HS3ST1: variants seen among roughly 807,000 people sequenced by gnomAD.
HS3ST1 encodes heparan sulfate glucosamine 3-O-sulfotransferase 1.
HS3ST1 carries 8 observed loss-of-function variants against 20.7 expected under a neutral mutation model. The ratio of observed to expected loss-of-function variants is 0.39; its 90% confidence interval spans 0.23 to 0.70. The LOEUF (loss-of-function observed/expected upper bound fraction) is 0.70. Ranked by LOEUF, HS3ST1 falls within the 30% of genes least tolerant of loss-of-function variation. The probability of loss-of-function intolerance (pLI) is 0.46; values close to 1 mark genes in which losing one functional copy is unlikely to be tolerated. For missense variants in HS3ST1, 436 were observed against 423.4 expected (o/e 1.03, Z -0.26); for synonymous variants, 205 against 190.4 (o/e 1.08, Z -0.63).
chr4:11,433,270 T>G (rs944359756), upstream of HS3ST1, among the ~76,000 whole-genome samples: 3 of 152,224 alleles, frequency 2.0e-5, no homozygotes, highest in Non-Finnish European at 4.4e-5. Context: ...AATGGAGAAT[T>G]TAGCCCTGTG....
At chr4:11,418,446 C>T (rs1037127875) in intron 1 of HS3ST1, among the ~76,000 whole-genome samples, 3 of 152,232 alleles carry the variant, frequency 2.0e-5, no homozygotes, top group South Asian at 2.1e-4. Flanking sequence ...ACAGATAAGG[C>T]GACAAAGGTT....
At chr4:11,402,642 T>G (rs532433740) in intron 1 of HS3ST1, among the ~76,000 whole-genome samples, 1 of 152,202 alleles carries the variant, frequency 6.6e-6, no homozygotes, top group South Asian at 2.1e-4. Context: ...ACTACTACCC[T>G]TTAGAGAGCT....
intron 1 of HS3ST1, 175 bp downstream of exon 1, chr4:11,428,523 TG>T (rs1298853135): frequency 6.6e-6 from 1 of 152,478 alleles, no homozygotes; most frequent in African/African-American, 2.4e-5. Flanking sequence ...GTGAGGAGGA[TG>T]GGAAAATCCC....
upstream of HS3ST1, chr4:11,429,583 T>G (rs548561901): frequency 2.0e-5 from 3 of 149,028 alleles, no homozygotes; most frequent in African/African-American, 7.4e-5. Flanking sequence ...ACACTCCTTT[T>G]CCTTTGGTTT....
At chr4:11,409,542 CA>C in intron 1 of HS3ST1, among the ~76,000 whole-genome samples, 1 of 152,192 alleles carries the variant, frequency 6.6e-6, no homozygotes. Context: ...AAGGCACAGG[CA>C]AAACGTGGCC....
intron 1 of HS3ST1, among the ~76,000 whole-genome samples, chr4:11,428,220 C>A (rs1719114528): frequency 6.6e-6 from 1 of 152,244 alleles, no homozygotes; most frequent in African/African-American, 2.4e-5. Flanking sequence ...GCAAACCCGA[C>A]CAAGGCTTCT....
chr4:11,398,929 A>G lies in HS3ST1; in HGVS notation c.*153T>C, dbSNP rs1718221459. 1.6e-6 allele frequency: 1 copy of G among 636,908 alleles called. No individual in the cohort carries two copies. The highest frequency in any genetic ancestry group is 2.8e-5 in the East Asian group (1 of 35,646). The allele number at this position is 636,908 out of a possible 1,614,324, so 39.5% of individuals were successfully genotyped here. Reference sequence around the variant, plus strand: ...TAACAAGTAGAAAAATATAACTAGTATATATGGCAATTGTGAATCTAATAC... The same window carrying G: ...TAACAAGTAGAAAAATATAACTAGTGTATATGGCAATTGTGAATCTAATAC... On this transcript the variant is annotated 3_prime_UTR_variant, in exon 2 of 2. Transcript: ENST00000002596.
chr4:11,394,855 T>C lies in HS3ST1; in HGVS notation c.*4227A>G, dbSNP rs1478575974. ...CATTTTCTACTTCCTAGGGTTGTTA[T>C]ATAGGTTAGAAGCAATATATTTAAA... is the stretch of plus-strand genomic sequence containing the variant. On this transcript the variant is annotated 3_prime_UTR_variant, in exon 2 of 2. Transcript: ENST00000002596. The C allele has an allele frequency of 2.0e-5, 3 of 152,190 alleles. No homozygotes were observed. Among genetic ancestry groups the C allele is most frequent in the South Asian group, 2.1e-4 (1 of 4,832 alleles). The allele number at this position is 152,190 out of a possible 1,614,324, so 9.4% of individuals were successfully genotyped here.
chr4:11,400,180 T>C, intron 1 of HS3ST1, 67 bp from the exon 2 acceptor site: 1 of 1,334,792 alleles, frequency 7.5e-7, no homozygotes, highest in Non-Finnish European at 9.8e-7. Context: ...AACAACTCTG[T>C]AGCCACTCTG....
rs564161133 is a variant in HS3ST1, at chr4:11,398,993, A to G, written c.*89T>C. 4.4e-6 allele frequency: 5 copies of G among 1,141,282 alleles called. No individual in the cohort carries two copies. The South Asian group carries it at 6.1e-5, about 14-fold the overall frequency. 70.7% of individuals were successfully genotyped at this position (1,141,282 alleles called of 1,614,324 possible). A position where few individuals can be genotyped will look rare whatever the true frequency, so the allele number is the denominator to read the frequency against. ...TTTATGGATTTTACAAATAAATTAT[A>G]CCTTAAATGCTTTTTTAAAATTCTT... On this transcript the variant is annotated 3_prime_UTR_variant, in exon 2 of 2. Coordinates refer to ENST00000002596, the MANE Select transcript of HS3ST1 (RefSeq NM_005114.4).
rs2108879596 is a variant in HS3ST1, at chr4:11,399,778, C to T, written c.228G>A (p.Leu76=). 2 of 1,613,638 alleles carry T rather than the reference C, an allele frequency of 1.2e-6. No individual in the cohort carries two copies. The highest frequency in any genetic ancestry group is 2.7e-5 in the African/African-American group (2 of 75,076). ...TCTCCGCGGCCGCCACGTCGGGGTG[C>T]AGGCTGAGCATCTCCAGCAGTGCGC... The part of the protein sequence containing the change: ...GTRALLEMLS[L]HPDVAAAENE... The change falls in exon 2 of 2, where the codon CTG becomes CTA. Residue 76 remains leucine, a synonymous_variant. Transcript: ENST00000002596. The surrounding 1 kb of genome is among the most constrained non-coding windows in gnomAD (Gnocchi z 5.1).
At chr4:11,409,520 C>T (rs933093264) in intron 1 of HS3ST1, among the ~76,000 whole-genome samples, 4 of 152,214 alleles carry the variant, frequency 2.6e-5, no homozygotes, top group African/African-American at 9.6e-5. Context: ...CTCTCATTCT[C>T]TCCACCATGT....
chr4:11,411,934 C>T (rs1451545160), intron 1 of HS3ST1, among the ~76,000 whole-genome samples: 2 of 152,072 alleles, frequency 1.3e-5, no homozygotes, highest in African/African-American at 2.4e-5. Context: ...TATGAATTTT[C>T]CCATCTGAAA....
intron 1 of HS3ST1, among the ~76,000 whole-genome samples, chr4:11,416,007 A>G (rs1055919454): frequency 6.6e-6 from 1 of 152,158 alleles, no homozygotes; most frequent in Non-Finnish European, 1.5e-5. Flanking sequence ...AAACATTCCT[A>G]GAACAGGTGC....
intron 1 of HS3ST1, among the ~76,000 whole-genome samples, chr4:11,417,230 T>G (rs1718808543): frequency 6.6e-6 from 1 of 152,186 alleles, no homozygotes; most frequent in African/African-American, 2.4e-5. Context: ...GCATTATAAT[T>G]AAAATAATCA....
Position 11,399,733 on chromosome 4 carries a change from G to T in HS3ST1, c.273C>A (p.Asp91Glu). 2 of 1,613,906 alleles carry T rather than the reference G, an allele frequency of 1.2e-6. No individual in the cohort carries two copies. Among genetic ancestry groups the T allele is most frequent in the Non-Finnish European group, 1.7e-6 (2 of 1,180,044 alleles). Reference protein sequence around the residue: ...AAAENEVHFFDWEEHYSHGLG... With the variant: ...AAAENEVHFFEWEEHYSHGLG... ...AGCCGTGGCTGTAATGCTCCTCCCA[G>T]TCGAAGAAGTGGACCTCGTTCTCCG... The change falls in exon 2 of 2, where the codon GAC becomes GAA. Residue 91 changes from aspartate (D) to glutamate (E), a missense_variant. Coordinates refer to ENST00000002596, the MANE Select transcript of HS3ST1 (RefSeq NM_005114.4). The surrounding 1 kb of genome is among the most constrained non-coding windows in gnomAD (Gnocchi z 5.1).
intron 1 of HS3ST1, among the ~76,000 whole-genome samples, chr4:11,410,974 T>C (rs1718614628): frequency 6.6e-6 from 1 of 152,180 alleles, no homozygotes; most frequent in Non-Finnish European, 1.5e-5. Flanking sequence ...AGTCCTGAAC[T>C]TAAATCTCAG....
At position 11,399,316 on chromosome 4, in the gene HS3ST1, C is replaced by A. The variant is rs1718239711; in HGVS notation, c.690G>T (p.Lys230Asn). The change falls in exon 2 of 2, where the codon AAG becomes AAT. Residue 230 changes from lysine (K) to asparagine (N), a missense_variant. Lys to Asn is a moderately conservative substitution (Grantham distance 94). Transcript: ENST00000002596. The surrounding 1 kb of genome is among the most constrained non-coding windows in gnomAD (Gnocchi z 5.1). ...GCGACAGCTTTAGGAACCTCTCGAC[C>A]TTTTGGATCTCAGGGAAGGGGTCCC... ...LIRDPFPEIQ[K>N]VERFLKLSPQ... 1 of 1,614,014 alleles carries A rather than the reference C, an allele frequency of 6.2e-7. No individual in the cohort carries two copies. Among genetic ancestry groups the A allele is most frequent in the African/African-American group, 1.3e-5 (1 of 74,916 alleles).
At chr4:11,410,814 C>A (rs1577441811) in intron 1 of HS3ST1, among the ~76,000 whole-genome samples, 5 of 152,220 alleles carry the variant, frequency 3.3e-5, no homozygotes, top group Admixed American at 3.3e-4. Flanking sequence ...ATTGCTTGAA[C>A]CTGGGAGGCA....
Sources: gnomAD v4.1 joint callset for allele counts (sites outside exome capture counted in the v4.1 genomes callset) on GRCh38, gnomAD v4.1.1 for gene constraint, Gnocchi (gnomAD v3.1) non-coding constraint, MANE v1.5 for transcripts, NCBI Gene and HGNC (gene_info 2026-07-23, HGNC 2026-07-21) for gene names.